The following ZNF584 variants were observed in gnomAD, a reference collection of about 807,000 sequenced individuals.
The protein encoded by ZNF584 is zinc finger protein 584.
Under a neutral mutation model 14.7 loss-of-function variants are expected in ZNF584, and 12 were observed. The observed-to-expected ratio is 0.82, with a 90% CI of 0.52 to 1.32. ZNF584 has a LOEUF of 1.32. ZNF584 is among the 40% of genes most tolerant of loss of function. ZNF584 has a pLI of 0.00. For missense variants in ZNF584, 478 were observed against 518.8 expected (o/e 0.92, Z 0.76); for synonymous variants, 204 against 190.9 (o/e 1.07, Z -0.57).
In ZNF584 at chr19:58,408,925, C is replaced by A. The variant is rs1198231561; in HGVS notation, c.-223C>A. 1 of 483,914 alleles carries A rather than the reference C, an allele frequency of 2.1e-6. No homozygotes were observed. Among genetic ancestry groups the A allele is most frequent in the Non-Finnish European group, 3.6e-6 (1 of 277,992 alleles). 30.0% of individuals were successfully genotyped at this position (483,914 alleles called of 1,614,324 possible). Reference sequence around the variant, plus strand: ...CCCCACCGGCGAGTGGCTCCATCTTCCTCAGACTTATCGCTCGCGGACAGG... The same window carrying A: ...CCCCACCGGCGAGTGGCTCCATCTTACTCAGACTTATCGCTCGCGGACAGG... On this transcript the variant is annotated 5_prime_UTR_variant, in exon 1 of 4. Transcript: ENST00000306910.
intron 2 of ZNF584, 89 bp downstream of exon 2, chr19:58,410,180 G>A: frequency 6.8e-7 from 1 of 1,461,390 alleles, no homozygotes; most frequent in South Asian, 1.4e-5. Context: ...CAGACCATGG[G>A]GGCTCTTTCC....
chr19:58,401,680 G>C (rs2052431722), intron 1 of ZNF584: 1 of 150,660 alleles, frequency 6.6e-6, no homozygotes, highest in African/African-American at 2.4e-5. Flanking sequence ...GCAAGCGAGA[G>C]ACCAGTCCCT....
Position 58,409,095 on chromosome 19 carries a change from G to A in ZNF584, c.-53G>A, listed in dbSNP as rs1399548667. On this transcript the variant is annotated 5_prime_UTR_variant, in exon 1 of 4. Coordinates refer to ENST00000306910, the MANE Select transcript of ZNF584 (RefSeq NM_173548.3). ...GGCCGAGGGTTTCCGCGCCCGGGACGCGTTTCGGCTGAGGCCGTGGGTCCA... is the reference window on the plus strand; with the variant it reads ...GGCCGAGGGTTTCCGCGCCCGGGACACGTTTCGGCTGAGGCCGTGGGTCCA... The A allele has an allele frequency of 6.8e-7, 1 of 1,463,226 alleles. No individual in the cohort carries two copies. The allele number at this position is 1,463,226 out of a possible 1,614,324, so 90.6% of individuals were successfully genotyped here.
upstream of ZNF584, chr19:58,405,199 T>A (rs1370267271): frequency 1.4e-5 from 1 of 71,760 alleles, no homozygotes; most frequent in South Asian, 5.5e-4. Context: ...CCCGGACGGG[T>A]CGGCTGGCCG....
At chr19:58,410,603 G>A (rs1446617545) in intron 2 of ZNF584, among the ~76,000 whole-genome samples, 5 of 37,512 alleles carry the variant, frequency 1.3e-4, no homozygotes, top group South Asian at 6.2e-4. Flanking sequence ...GTATATATAT[G>A]TATATATATG....
chr19:58,409,327 T>C, intron 1 of ZNF584, 162 bp downstream of exon 1: 1 of 864,152 alleles, frequency 1.2e-6, no homozygotes, highest in Non-Finnish European at 1.6e-6. Context: ...CCATTGGAGA[T>C]GTGCCGCAGG....
chr19:58,402,372 C>T (rs1464289374), intron 1 of ZNF584, among the ~76,000 whole-genome samples: 1 of 152,292 alleles, frequency 6.6e-6, no homozygotes, highest in African/African-American at 2.4e-5. Flanking sequence ...TCTGTGTCCC[C>T]CCACCAGGGG....
chr19:58,414,032 A>G (rs1395329131), intron 2 of ZNF584, among the ~76,000 whole-genome samples: 3 of 151,654 alleles, frequency 2.0e-5, no homozygotes, highest in African/African-American at 7.3e-5. Context: ...TGTGTTCGGC[A>G]GGATGGTCTC....
chr19:58,410,778 ATTTTTTTTT>A (rs869150389), intron 2 of ZNF584, among the ~76,000 whole-genome samples: 4 of 8,944 alleles, frequency 4.5e-4, no homozygotes, highest in African/African-American at 3.6e-3. Context: ...TATATATATA[ATTTTTTTTT>A]TTTTTTTTTT....
rs1290249436 is a variant in ZNF584 at position 58,410,723 on chromosome 19, A to C, written c.169+632A>C. 1.1e-4 allele frequency among the ~76,000 whole-genome samples: 5 copies of C among 47,596 alleles called. 1 individual carries two copies. The East Asian group carries it at 1.9e-3, about 18-fold the overall frequency. 31.2% of individuals were successfully genotyped at this position (47,596 alleles called of 152,430 possible). A position where few individuals can be genotyped will look rare whatever the true frequency, so the allele number is the denominator to read the frequency against. On this transcript the variant is annotated intron_variant, in intron 2 of 3. Coordinates refer to ENST00000306910, the MANE Select transcript of ZNF584 (RefSeq NM_173548.3). ...TATATATGTATATATGTGTATATAT[A>C]TATGTATATATATATATGTGTGTAT... is the stretch of plus-strand genomic sequence containing the variant.
chr19:58,411,174 G>A (rs1241977040), intron 2 of ZNF584, among the ~76,000 whole-genome samples: 1 of 151,900 alleles, frequency 6.6e-6, no homozygotes, highest in African/African-American at 2.4e-5. Context: ...GTTTTTTGCA[G>A]ATGCCCATTT....
chr19:58,410,828 G>T (rs2052561478), intron 2 of ZNF584, among the ~76,000 whole-genome samples: 1 of 101,538 alleles, frequency 9.8e-6, no homozygotes, highest in Non-Finnish European at 1.8e-5. Flanking sequence ...GCCTCACTCT[G>T]TTGCCCAGGC....
intron 1 of ZNF584, 78 bp downstream of exon 1, chr19:58,409,243 G>A (rs1313246125): frequency 3.0e-6 from 4 of 1,354,390 alleles, no homozygotes; most frequent in Non-Finnish European, 3.9e-6. Context: ...AGTTGGAGGA[G>A]GGCAGGAGAT....
chr19:58,402,310 C>G (rs950081887), intron 1 of ZNF584, among the ~76,000 whole-genome samples: 1 of 152,036 alleles, frequency 6.6e-6, no homozygotes, highest in Non-Finnish European at 1.5e-5. Flanking sequence ...GCAGAAGGAG[C>G]AGAGGGTGGT....
intron 3 of ZNF584, chr19:58,415,868 CTG>C (rs1299150497): frequency 1.3e-6 from 2 of 1,599,624 alleles, no homozygotes; most frequent in Admixed American, 1.7e-5. Context: ...TTGCCCTTCT[CTG>C]TATCTGTGCA....
rs777459295 is a variant in ZNF584 at position 58,417,584 on chromosome 19, T to C, written c.1066T>C (p.Cys356Arg). The change falls in exon 4 of 4, where the codon TGT becomes CGT. Residue 356 changes from cysteine (C) to arginine (R), a missense_variant. By Grantham distance (180) the Cys-to-Arg change is radical (BLOSUM62 -3). Around this residue, in one of 3 missense-constraint regions of ZNF584, gnomAD observed 283 missense variants for 317.3 expected, o/e 0.89. Coordinates refer to ENST00000306910, the MANE Select transcript of ZNF584 (RefSeq NM_173548.3). Reference protein sequence around the residue: ...KVHTGERPYECSLCGKTFTTR... With the variant: ...KVHTGERPYERSLCGKTFTTR... ...CCACACTGGGGAACGGCCCTATGAA[T>C]GTAGCCTGTGTGGGAAAACCTTCAC... is the stretch of plus-strand genomic sequence containing the variant. 1 of 1,614,184 alleles carries C rather than the reference T, an allele frequency of 6.2e-7. No individual in the cohort carries two copies. Among genetic ancestry groups the C allele is most frequent in the Non-Finnish European group, 8.5e-7 (1 of 1,180,046 alleles).
At chr19:58,415,193 T>C (rs1171777244) in intron 2 of ZNF584, among the ~76,000 whole-genome samples, 1 of 150,768 alleles carries the variant, frequency 6.6e-6, no homozygotes, top group Non-Finnish European at 1.5e-5. Context: ...GCGCCCGGCC[T>C]GTTTGTTTGT....
chr19:58,413,491 A>ACCAT (rs1220895880), intron 2 of ZNF584, among the ~76,000 whole-genome samples: 60 of 150,260 alleles, frequency 4.0e-4, no homozygotes, highest in Middle Eastern at 3.6e-3. Context: ...GATTACAGGC[A>ACCAT]TGTGCCACCA....
upstream of ZNF584, among the ~76,000 whole-genome samples, chr19:58,407,772 G>C (rs76075347): frequency 6.6e-6 from 1 of 152,172 alleles, no homozygotes; most frequent in Non-Finnish European, 1.5e-5. Context: ...ACATGAACGC[G>C]TCTGAATTCA....
Sources: allele counts gnomAD v4.1 joint callset (sites outside exome capture counted in the v4.1 genomes callset), GRCh38; gene constraint gnomAD v4.1.1; regional missense constraint gnomAD v4.1.1; transcripts MANE v1.5; gene names NCBI Gene and HGNC (gene_info 2026-07-23, HGNC 2026-07-21).